AGBL1: variants seen among roughly 807,000 people sequenced by gnomAD.
The protein encoded by AGBL1 is cytosolic carboxypeptidase 4.
Under a neutral mutation model 118.9 loss-of-function variants are expected in AGBL1, and 130 were observed. That is an observed-to-expected ratio of 1.09 (90% CI 0.95 to 1.26). The LOEUF (loss-of-function observed/expected upper bound fraction) is 1.26. Among genes scored for constraint, AGBL1 ranks in the 50% most tolerant of loss-of-function variants. The pLI is 0.00. For missense variants in AGBL1, 1,584 were observed against 1,298.1 expected (o/e 1.22, Z -3.38); for synonymous variants, 555 against 478.9 (o/e 1.16, Z -2.08).
intron 24 of AGBL1, among the ~76,000 whole-genome samples, chr15:87,024,751 C>A (rs1045206239): frequency 7.9e-5 from 12 of 151,982 alleles, no homozygotes; most frequent in Non-Finnish European, 1.8e-4. Flanking sequence ...TACTAGTTAA[C>A]TGAATCCAAC....
Position 86,258,046 on chromosome 15 carries a change from C to T in AGBL1, c.969+15C>T. 2 of 1,611,610 alleles carry T rather than the reference C, an allele frequency of 1.2e-6. No individual in the cohort carries two copies. The highest frequency in any genetic ancestry group is 1.3e-5 in the African/African-American group (1 of 74,950). On this transcript the variant is annotated intron_variant, in intron 9 of 22. Coordinates refer to ENST00000614907, the MANE Select transcript of AGBL1 (RefSeq NM_001386094.1). ...GGAAAGTGGAAGTAGGTACACCAGCCCATGCTTCTAATGATGTCCATAGTC... is the reference window on the plus strand; with the variant it reads ...GGAAAGTGGAAGTAGGTACACCAGCTCATGCTTCTAATGATGTCCATAGTC...
rs2077621610 is a variant in AGBL1, at chr15:86,185,737, C to A, written c.488+26711C>A. Among the ~76,000 whole-genome samples the A allele has an allele frequency of 2.0e-5, 3 of 149,456 alleles. No individual in the cohort carries two copies. The South Asian group carries it at 6.5e-4, about 32-fold the overall frequency. On this transcript the variant is annotated intron_variant, in intron 5 of 22. Transcript: ENST00000614907. ...CACTTGGACACACGAAGGGGAACAT[C>A]ACACACTGGGGCCTGTCGTGGGGTG...
At chr15:86,105,025 C>T (rs1433486997) in intron 1 of AGBL1, 1 of 152,158 alleles carries the variant, frequency 6.6e-6, no homozygotes, top group Non-Finnish European at 1.5e-5. Context: ...AGAAAGATGC[C>T]TGATTTCCCT....
chr15:86,499,043 A>G (rs770825215), intron 18 of AGBL1, among the ~76,000 whole-genome samples: 4 of 151,924 alleles, frequency 2.6e-5, no homozygotes, highest in Non-Finnish European at 5.9e-5. Context: ...TGACACAGAT[A>G]TACTTCTTTA....
chr15:86,377,712 T>C (rs1279791855), intron 17 of AGBL1, among the ~76,000 whole-genome samples: 2 of 152,186 alleles, frequency 1.3e-5, no homozygotes, highest in Non-Finnish European at 2.9e-5. Flanking sequence ...AGGGCCGCCC[T>C]CGTCCAGGTG....
rs143483660 is a variant in AGBL1 at position 86,332,562 on chromosome 15, C to T, written c.2374+37154C>T. Among the ~76,000 whole-genome samples the T allele has an allele frequency of 3.7e-3, 554 of 149,574 alleles. 2 individuals carry two copies. The highest frequency in any genetic ancestry group is 9.7e-3 in the African/African-American group (394 of 40,714). On this transcript the variant is annotated intron_variant, in intron 17 of 22. Transcript: ENST00000614907. The stretch of plus-strand genomic sequence containing the variant: ...TCAGGAGACTGAGGCAGGAGAATGG[C>T]GTGAACCCAGGAGGTGGAGCTTGCA...
chr15:86,868,171 G>GA lies in AGBL1; in HGVS notation c.3159-38908dup, dbSNP rs922480584. Among the ~76,000 whole-genome samples the GA allele has an allele frequency of 6.3e-4, 95 of 151,942 alleles. 1 individual carries two copies. The South Asian group carries it at 8.5e-3, about 14-fold the overall frequency. On this transcript the variant is annotated intron_variant, in intron 22 of 22. Coordinates refer to ENST00000614907, the MANE Select transcript of AGBL1 (RefSeq NM_001386094.1). ...AGTTGAAGACACATGAAACGTACAT[G>GA]AAAAAAAACATGAAAAAATAGGCAA...
At chr15:86,713,458 A>T (rs2086591324) in intron 22 of AGBL1, among the ~76,000 whole-genome samples, 1 of 152,042 alleles carries the variant, frequency 6.6e-6, no homozygotes, top group Non-Finnish European at 1.5e-5. Flanking sequence ...ACATAATCCC[A>T]CTCTTGGTCT....
intron 17 of AGBL1, among the ~76,000 whole-genome samples, chr15:86,373,002 TTTTCTTTTC>T (rs962453183): frequency 2.0e-5 from 3 of 152,234 alleles, no homozygotes; most frequent in African/African-American, 7.2e-5. Context: ...CCTTTTCTTC[TTTTCTTTTC>T]TTTCTTTTTG....
intron 22 of AGBL1, among the ~76,000 whole-genome samples, chr15:86,768,421 T>C (rs1043212764): frequency 1.3e-5 from 2 of 152,000 alleles, no homozygotes; most frequent in Non-Finnish European, 2.9e-5. Context: ...TCCCACCTTA[T>C]CTTATACCAC....
At chr15:86,903,585 A>G (rs1003484129) in intron 22 of AGBL1, among the ~76,000 whole-genome samples, 2 of 152,160 alleles carry the variant, frequency 1.3e-5, no homozygotes, top group Non-Finnish European at 2.9e-5. Context: ...CATTTTGAGT[A>G]TTATCCTATG....
chr15:86,941,077 T>C (rs2080745834), intron 23 of AGBL1, among the ~76,000 whole-genome samples: 1 of 152,212 alleles, frequency 6.6e-6, no homozygotes, highest in Non-Finnish European at 1.5e-5. Flanking sequence ...TAAACCATAC[T>C]CTTTGGTCCT....
chr15:86,723,516 G>T (rs2086768030), intron 22 of AGBL1, among the ~76,000 whole-genome samples: 1 of 152,122 alleles, frequency 6.6e-6, no homozygotes, highest in East Asian at 1.9e-4. Context: ...GGAGTGGGGT[G>T]AGGGGGGAGG....
At chr15:86,362,450 A>G (rs2080818920) in intron 17 of AGBL1, among the ~76,000 whole-genome samples, 2 of 152,156 alleles carry the variant, frequency 1.3e-5, no homozygotes, top group South Asian at 4.1e-4. Context: ...TTCAACTCAA[A>G]GGACTCACTT....
chr15:86,737,523 T>C (rs2077619461), intron 22 of AGBL1, among the ~76,000 whole-genome samples: 1 of 152,140 alleles, frequency 6.6e-6, no homozygotes, highest in African/African-American at 2.4e-5. Flanking sequence ...TATCTCGGCT[T>C]GTGAGAGTAT....
chr15:86,883,634 C>T (rs1291890379), intron 22 of AGBL1, among the ~76,000 whole-genome samples: 3 of 152,148 alleles, frequency 2.0e-5, no homozygotes, highest in Admixed American at 1.3e-4. Flanking sequence ...CATCTCGCCC[C>T]GACTCCACTC....
chr15:86,981,724 G>A (rs2081233432), intron 23 of AGBL1, among the ~76,000 whole-genome samples: 1 of 152,068 alleles, frequency 6.6e-6, no homozygotes, highest in African/African-American at 2.4e-5. Flanking sequence ...GAATGCCTAT[G>A]ACCAAAATAT....
chr15:86,882,508 A>ACTGAGT (rs2079909374), intron 22 of AGBL1, among the ~76,000 whole-genome samples: 1 of 152,218 alleles, frequency 6.6e-6, no homozygotes, highest in Non-Finnish European at 1.5e-5. Flanking sequence ...GTGACCTTAG[A>ACTGAGT]TAAATCACTC....
intron 11 of AGBL1, among the ~76,000 whole-genome samples, chr15:86,265,702 G>A (rs962555749): frequency 1.3e-5 from 2 of 152,160 alleles, no homozygotes; most frequent in Non-Finnish European, 2.9e-5. Flanking sequence ...CACAAGGGCT[G>A]TTCTAGCACC....
Sources: allele counts gnomAD v4.1 joint callset (sites outside exome capture counted in the v4.1 genomes callset), GRCh38; gene constraint gnomAD v4.1.1; transcripts MANE v1.5; gene names NCBI Gene and HGNC (gene_info 2026-07-23, HGNC 2026-07-21).